The following ECPAS variants were observed in gnomAD, a reference collection of about 807,000 sequenced individuals.
ECPAS encodes the protein Ecm29 proteasome adaptor and scaffold, also known as proteasome adapter and scaffold protein ECM29.
In ECPAS, 70 loss-of-function variants were observed where a neutral mutation model predicts 255.1. That is an observed-to-expected ratio of 0.27 (90% CI 0.23 to 0.33). The LOEUF (loss-of-function observed/expected upper bound fraction) is 0.33, where lower values mean the gene tolerates loss of function less well. ECPAS is among the 10% of genes least tolerant of loss of function. ECPAS has a pLI of 1.00. For synonymous variants in ECPAS, 784 were observed against 775.0 expected, an observed-to-expected ratio of 1.01 and a Z score of -0.19; for missense variants, 1,817 against 2,206.4, an observed-to-expected ratio of 0.82 and a Z score of 3.54.
At chr9:111,370,670 C>A (rs781172096) in intron 44 of ECPAS, 43 bp from the exon 45 acceptor site, 5 of 1,605,190 alleles carry the variant, frequency 3.1e-6, no homozygotes, top group Admixed American at 3.4e-5. Flanking sequence ...ATAAAGGCTG[C>A]AGTTTTCGGG....
intron 39 of ECPAS, 131 bp from the exon 40 acceptor site, chr9:111,373,537 G>T: frequency 2.9e-6 from 2 of 691,068 alleles, no homozygotes; most frequent in Non-Finnish European, 4.9e-6. Context: ...ATTTCTGGAT[G>T]TTATATTTAT....
At position 111,370,510 on chromosome 9, in the gene ECPAS, T is replaced by A; in HGVS notation, c.4899A>T (p.Ala1633=). ...CTTTGGTGGCCTTCAAGATATCAGC[T>A]GCACAGCTGATTGCTACAATCTTGT... is the stretch of plus-strand genomic sequence containing the variant. The part of the protein sequence containing the change: ...VKYKIVAISC[A]ADILKATKED... The change falls in exon 45 of 50, where the codon GCA becomes GCT. Residue 1633 remains alanine, a synonymous_variant. Transcript: ENST00000684092. The A allele has an allele frequency of 6.2e-7, 1 of 1,611,874 alleles. No individual in the cohort carries two copies. Among genetic ancestry groups the A allele is most frequent in the Non-Finnish European group, 8.5e-7 (1 of 1,178,944 alleles).
At chr9:111,430,709 TTTC>T in intron 8 of ECPAS, 81 bp from the exon 9 acceptor site, 1 of 815,654 alleles carries the variant, frequency 1.2e-6, no homozygotes, top group African/African-American at 1.8e-5. Context: ...AGCCCCAACA[TTTC>T]TTAACAAAAG....
intron 3 of ECPAS, among the ~76,000 whole-genome samples, chr9:111,445,331 T>C (rs1391045616): frequency 2.6e-5 from 4 of 151,968 alleles, no homozygotes; most frequent in Admixed American, 6.6e-5. Flanking sequence ...TTAGTTAAAG[T>C]TGAGATCCAA....
chr9:111,412,769 A>G (rs1269955782), intron 20 of ECPAS, among the ~76,000 whole-genome samples: 4 of 152,206 alleles, frequency 2.6e-5, no homozygotes, highest in Non-Finnish European at 5.9e-5. Context: ...ACTAAAAGCA[A>G]TTTCATAAGA....
chr9:111,396,349 G>A (rs1178903654), intron 25 of ECPAS, among the ~76,000 whole-genome samples: 2 of 152,158 alleles, frequency 1.3e-5, no homozygotes, highest in Admixed American at 6.5e-5. Flanking sequence ...TGTACCTAGA[G>A]CGCTAGCAGA....
rs572037881 is a variant in ECPAS, at chr9:111,411,037, T to C, written c.2320A>G (p.Asn774Asp). The C allele has an allele frequency of 6.2e-7, 1 of 1,613,948 alleles. No individual in the cohort carries two copies. The highest frequency in any genetic ancestry group is 1.1e-5 in the South Asian group (1 of 91,074). Residue 774 changes from asparagine (N) to aspartate (D), a missense_variant, in exon 22 of 50, where the codon AAT becomes GAT. Transcript: ENST00000684092. ...TCTTGATCAGGGAGGGTGTCAGCATTTCTCTCCAGGTCTTGTTGCTCTGAC... is the reference window on the plus strand; with the variant it reads ...TCTTGATCAGGGAGGGTGTCAGCATCTCTCTCCAGGTCTTGTTGCTCTGAC... The part of the protein sequence containing the change: ...RMSEQQDLER[N>D]ADTLPDQEEL...
chr9:111,464,761 C>T (rs2098277318), intron 2 of ECPAS, among the ~76,000 whole-genome samples: 2 of 151,392 alleles, frequency 1.3e-5, no homozygotes, highest in African/African-American at 2.4e-5. Context: ...TAATGACAAT[C>T]TCTGAATGAA....
chr9:111,454,990 C>T (rs533026878), intron 2 of ECPAS, among the ~76,000 whole-genome samples: 23 of 152,260 alleles, frequency 1.5e-4, no homozygotes, highest in African/African-American at 5.5e-4. Flanking sequence ...ATACTTTGGC[C>T]TCCCAAAGTG....
At position 111,389,579 on chromosome 9, in the gene ECPAS, C is replaced by T; in HGVS notation, c.3424G>A (p.Ala1142Thr). The T allele has an allele frequency of 6.2e-7, 1 of 1,613,560 alleles. No individual in the cohort carries two copies. Among genetic ancestry groups the T allele is most frequent in the Non-Finnish European group, 8.5e-7 (1 of 1,179,666 alleles). The change falls in exon 31 of 50, where the codon GCG becomes ACG. Residue 1142 changes from alanine to threonine, a missense_variant. Coordinates refer to ENST00000684092, the MANE Select transcript of ECPAS (RefSeq NM_001364929.1). ...IRQAMTSIWN[A>T]LVTDKSMVDK... ...ACCATGGATTTGTCAGTGACCAACGCATTCCAAATACTTGTCATGGCCTGT... is the reference window on the plus strand; with the variant it reads ...ACCATGGATTTGTCAGTGACCAACGTATTCCAAATACTTGTCATGGCCTGT...
chr9:111,463,789 T>C (rs1322738507), intron 2 of ECPAS, among the ~76,000 whole-genome samples: 1 of 152,094 alleles, frequency 6.6e-6, no homozygotes, highest in Admixed American at 6.6e-5. Flanking sequence ...GTACCAAATG[T>C]TGGCAAAGAT....
In ECPAS at chr9:111,372,615, T is replaced by C; in HGVS notation, c.4342A>G (p.Ile1448Val). 3 of 1,607,486 alleles carry C rather than the reference T, an allele frequency of 1.9e-6. No individual in the cohort carries two copies. The highest frequency in any genetic ancestry group is 2.5e-6 in the Non-Finnish European group (3 of 1,176,514). The change falls in exon 42 of 50, where the codon ATC becomes GTC. Residue 1448 changes from isoleucine (I) to valine (V), a missense_variant. Transcript: ENST00000684092. ...GTCAAAGCACAAGAGGTCTTGTAGATAGGTTCTGAAAAGGAGAAACCAAAA... is the reference window on the plus strand; with the variant it reads ...GTCAAAGCACAAGAGGTCTTGTAGACAGGTTCTGAAAAGGAGAAACCAAAA... ...NGWYMEKEEP[I>V]YKTSCALTIH...
At chr9:111,370,698 C>T (rs2098126290) in intron 44 of ECPAS, 24 bp downstream of exon 44, 2 of 1,606,222 alleles carry the variant, frequency 1.2e-6, no homozygotes, top group African/African-American at 1.3e-5. Flanking sequence ...TAAGAAATGG[C>T]ATCTTCATTG....
In ECPAS at chr9:111,391,828, A is replaced by T. The variant is rs769585583; in HGVS notation, c.3093-4T>A. 2 of 1,587,566 alleles carry T rather than the reference A, an allele frequency of 1.3e-6. No individual in the cohort carries two copies. Among genetic ancestry groups the T allele is most frequent in the Non-Finnish European group, 8.6e-7 (1 of 1,161,250 alleles). On this transcript the variant is annotated splice_region_variant and splice_polypyrimidine_tract_variant and intron_variant, in intron 28 of 49. Transcript: ENST00000684092. ...TCCAGAAACTTCATGTTTAACTCTA[A>T]ACCAAAACAATAATTTCAATAAGCT... is the stretch of plus-strand genomic sequence containing the variant.
chr9:111,473,805 G>A (rs1041578362), intron 1 of ECPAS, among the ~76,000 whole-genome samples: 1 of 151,942 alleles, frequency 6.6e-6, no homozygotes, highest in African/African-American at 2.4e-5. Flanking sequence ...CGTCTCTACA[G>A]AAAATACAAA....
intron 6 of ECPAS, among the ~76,000 whole-genome samples, chr9:111,437,810 G>T (rs1274245988): frequency 6.6e-6 from 1 of 152,068 alleles, no homozygotes; most frequent in Non-Finnish European, 1.5e-5. Flanking sequence ...AGACCTCTAA[G>T]AAATTCATTT....
At chr9:111,403,442 AC>A (rs1250827160) in intron 24 of ECPAS, among the ~76,000 whole-genome samples, 1 of 136,722 alleles carries the variant, frequency 7.3e-6, no homozygotes, top group Non-Finnish European at 1.5e-5. Flanking sequence ...GCAAATGAAA[AC>A]CAAAAAAGAA....
At chr9:111,440,236 G>GA (rs373713297) in intron 6 of ECPAS, 136 bp downstream of exon 6, 35 of 768,174 alleles carry the variant, frequency 4.6e-5, no homozygotes, top group Admixed American at 3.4e-4. Flanking sequence ...AAGTTTAGAA[G>GA]AAAAAAATCT....
chr9:111,375,168 T>C lies in ECPAS; in HGVS notation c.4055A>G (p.Glu1352Gly). 1.2e-6 allele frequency: 2 copies of C among 1,613,768 alleles called. No homozygotes were observed. Among genetic ancestry groups the C allele is most frequent in the Non-Finnish European group, 1.7e-6 (2 of 1,179,738 alleles). The change falls in exon 38 of 50, where the codon GAG becomes GGG. Residue 1352 changes from glutamate to glycine, a missense_variant. Transcript: ENST00000684092. Reference protein sequence around the residue: ...LQYLDVSVLGELVPRLCELIR... With the variant: ...LQYLDVSVLGGLVPRLCELIR... ...CAGTTCACACAACCTAGGAACTAGC[T>C]CGCCCAGCACTGACACATCAAGGTA...
Sources: gnomAD v4.1 joint callset for allele counts (sites outside exome capture counted in the v4.1 genomes callset) on GRCh38, gnomAD v4.1.1 for gene constraint, MANE v1.5 for transcripts, NCBI Gene and HGNC (gene_info 2026-07-23, HGNC 2026-07-21) for gene names.